The following HDHD2 variants were observed in gnomAD, a reference collection of about 807,000 sequenced individuals.
HDHD2 encodes the protein haloacid dehalogenase like hydrolase domain containing 2.
HDHD2 carries 26 observed loss-of-function variants against 24.8 expected under a neutral mutation model. The observed-to-expected ratio is 1.05, with a 90% CI of 0.77 to 1.45. HDHD2 has a LOEUF of 1.45. HDHD2 is among the 40% of genes most tolerant of loss of function. The probability of loss-of-function intolerance (pLI) is 0.00; values close to 1 mark genes in which losing one functional copy is unlikely to be tolerated. For missense variants in HDHD2, 299 were observed against 313.4 expected, an observed-to-expected ratio of 0.95 and a Z score of 0.35; for synonymous variants, 128 against 114.9, an observed-to-expected ratio of 1.11 and a Z score of -0.73.
chr18:47,113,905 A>G lies in HDHD2; in HGVS notation c.613-865T>C, dbSNP rs1331041598. 3.3e-5 allele frequency among the ~76,000 whole-genome samples: 5 copies of G among 152,200 alleles called. No homozygotes were observed. In the East Asian group the frequency reaches 7.8e-4, roughly 24 times the overall value. ...GAAGAGTGGAGATGGGGGAGAGGAG[A>G]TAGGGAGGTGGGAAAAAGAATGTGG... On this transcript the variant is annotated intron_variant, in intron 5 of 6. Coordinates refer to ENST00000300605, the MANE Select transcript of HDHD2 (RefSeq NM_032124.5).
intron 4 of HDHD2, among the ~76,000 whole-genome samples, chr18:47,120,261 C>T (rs1025946478): frequency 6.6e-5 from 10 of 152,264 alleles, no homozygotes; most frequent in South Asian, 4.1e-4. Context: ...TTAGTGTAGA[C>T]GCCTTCATCA....
At chr18:47,122,792 C>T (rs1441601734) in intron 4 of HDHD2, among the ~76,000 whole-genome samples, 2 of 151,716 alleles carry the variant, frequency 1.3e-5, no homozygotes, top group East Asian at 1.9e-4. Flanking sequence ...TAAAAATCTA[C>T]GAATACTACA....
chr18:47,130,175 T>C (rs2144337913), intron 4 of HDHD2, 69 bp downstream of exon 4: 4 of 978,212 alleles, frequency 4.1e-6, no homozygotes, highest in Admixed American at 2.1e-5. Flanking sequence ...AACCCATTCA[T>C]GACAATGACA....
At chr18:47,122,173 T>C (rs1004868781) in intron 4 of HDHD2, among the ~76,000 whole-genome samples, 6 of 152,216 alleles carry the variant, frequency 3.9e-5, no homozygotes, top group Non-Finnish European at 8.8e-5. Flanking sequence ...AATTAAATCA[T>C]GGATGAACCT....
intron 4 of HDHD2, among the ~76,000 whole-genome samples, chr18:47,118,669 C>T (rs1568046095): frequency 6.6e-6 from 1 of 152,180 alleles, no homozygotes; most frequent in Non-Finnish European, 1.5e-5. Flanking sequence ...TGCAGCAAAT[C>T]TTCATGGCAC....
At chr18:47,137,403 C>G (rs1453787578) in intron 1 of HDHD2, 3 of 282,500 alleles carry the variant, frequency 1.1e-5, no homozygotes, top group Admixed American at 4.7e-5. Flanking sequence ...ATCCTGATGA[C>G]TAGTTTTCTC....
intron 2 of HDHD2, among the ~76,000 whole-genome samples, chr18:47,135,271 T>C (rs578041981): frequency 6.6e-5 from 10 of 150,400 alleles, no homozygotes; most frequent in African/African-American, 1.9e-4. Context: ...TTTTTTTTTT[T>C]TTTTTTTGAG....
At chr18:47,135,261 T>C (rs1460031786) in intron 2 of HDHD2, among the ~76,000 whole-genome samples, 5 of 129,480 alleles carry the variant, frequency 3.9e-5, no homozygotes, top group Non-Finnish European at 7.0e-5. Context: ...ATTTTTTCTT[T>C]TTTTTTTTTT....
At chr18:47,142,796 TG>T (rs1421527235) in intron 1 of HDHD2, among the ~76,000 whole-genome samples, 14 of 152,170 alleles carry the variant, frequency 9.2e-5, no homozygotes, top group Admixed American at 6.5e-5. Context: ...ACACCTTAGT[TG>T]GGAAAACCAA....
chr18:47,124,253 AG>A (rs1433020149), intron 4 of HDHD2, among the ~76,000 whole-genome samples: 3 of 152,244 alleles, frequency 2.0e-5, no homozygotes, highest in Non-Finnish European at 4.4e-5. Flanking sequence ...GGGTAAGCAA[AG>A]ATTTCTTAAA....
At chr18:47,146,237 A>T (rs1432194337) in intron 1 of HDHD2, among the ~76,000 whole-genome samples, 1 of 152,010 alleles carries the variant, frequency 6.6e-6, no homozygotes, top group East Asian at 1.9e-4. Flanking sequence ...CTCAAAAAAA[A>T]AAAAAAAAAA....
At chr18:47,145,488 A>G (rs2063860313) in intron 1 of HDHD2, among the ~76,000 whole-genome samples, 1 of 152,236 alleles carries the variant, frequency 6.6e-6, no homozygotes. Flanking sequence ...GAAAATTCAT[A>G]TATGATAGAA....
intron 1 of HDHD2, among the ~76,000 whole-genome samples, chr18:47,142,854 G>T (rs1260284879): frequency 6.6e-6 from 1 of 152,042 alleles, no homozygotes; most frequent in African/African-American, 2.4e-5. Flanking sequence ...TGAGAATGAT[G>T]GTGCTCAGAT....
intron 1 of HDHD2, among the ~76,000 whole-genome samples, chr18:47,136,805 T>C (rs2063770993): frequency 6.6e-6 from 1 of 152,220 alleles, no homozygotes. Context: ...AAAGAATGGG[T>C]GGATGAAAGG....
intron 1 of HDHD2, among the ~76,000 whole-genome samples, chr18:47,146,708 C>G (rs2063874347): frequency 6.6e-6 from 1 of 152,144 alleles, no homozygotes; most frequent in African/African-American, 2.4e-5. Flanking sequence ...TCTCGGAAAT[C>G]TACTAGAGGG....
At chr18:47,148,876 A>G (rs916190476) in intron 1 of HDHD2, among the ~76,000 whole-genome samples, 3 of 152,246 alleles carry the variant, frequency 2.0e-5, no homozygotes, top group Non-Finnish European at 2.9e-5. Flanking sequence ...TGCAGTGGTT[A>G]AGGACAAGAA....
At chr18:47,118,708 T>A (rs796643735) in intron 4 of HDHD2, among the ~76,000 whole-genome samples, 22 of 152,310 alleles carry the variant, frequency 1.4e-4, no homozygotes, top group African/African-American at 5.1e-4. Flanking sequence ...ACTCTGCACA[T>A]CCTGTACTTG....
At chr18:47,135,966 A>C (rs539833388) in intron 2 of HDHD2, among the ~76,000 whole-genome samples, 1 of 152,222 alleles carries the variant, frequency 6.6e-6, no homozygotes, top group African/African-American at 2.4e-5. Flanking sequence ...AAAACAAGAA[A>C]GAGCAGCATT....
chr18:47,127,643 G>A (rs1198707059), intron 4 of HDHD2, among the ~76,000 whole-genome samples: 4 of 135,024 alleles, frequency 3.0e-5, no homozygotes, highest in Non-Finnish European at 3.1e-5. Context: ...GGGTTTTTTT[G>A]TTTTTCGAGA....
Sources: gnomAD v4.1 joint callset for allele counts (sites outside exome capture counted in the v4.1 genomes callset) on GRCh38, gnomAD v4.1.1 for gene constraint, MANE v1.5 for transcripts, NCBI Gene and HGNC (gene_info 2026-07-23, HGNC 2026-07-21) for gene names.